MACROD2: variants seen among roughly 807,000 people sequenced by gnomAD.
The protein encoded by MACROD2 is mono-ADP ribosylhydrolase 2, also known as ADP-ribose glycohydrolase MACROD2.
A neutral mutation model predicts 70.4 loss-of-function variants in MACROD2; 36 were observed. The observed-to-expected ratio is 0.51, with a 90% CI of 0.39 to 0.68. The LOEUF (loss-of-function observed/expected upper bound fraction) is 0.68, where lower values mean the gene tolerates loss of function less well. Among genes scored for constraint, MACROD2 ranks in the 30% least tolerant of loss-of-function variants. MACROD2 has a pLI of 0.00. For synonymous variants in MACROD2, 172 were observed against 178.8 expected, an observed-to-expected ratio of 0.96 and a Z score of 0.30; for missense variants, 496 against 538.4, an observed-to-expected ratio of 0.92 and a Z score of 0.78.
Position 15,684,284 on chromosome 20 carries a change from C to A in MACROD2, c.646-178461C>A, listed in dbSNP as rs551212347. Among the ~76,000 whole-genome samples, 3 of 152,236 alleles carry A rather than the reference C, an allele frequency of 2.0e-5. No homozygotes were observed. In the East Asian group the frequency reaches 5.8e-4, roughly 29 times the overall value. ...AGAAGGTTGAATGGCAGGGATCAGC[C>A]GGGTCTAGAGAAAATCTCAGACCCC... On this transcript the variant is annotated intron_variant, in intron 8 of 17. Coordinates refer to ENST00000684519, the MANE Select transcript of MACROD2 (RefSeq NM_001351661.2).
In MACROD2 at chr20:15,147,581, A is replaced by G. The variant is rs139180806; in HGVS notation, c.419-82359A>G. On this transcript the variant is annotated intron_variant, in intron 5 of 17. Coordinates refer to ENST00000684519, the MANE Select transcript of MACROD2 (RefSeq NM_001351661.2). ...TCCCTTTTTGTGCCTTAAAATTATT[A>G]TGCTATTTTTTAATAGTAAAGAGGC... is the stretch of plus-strand genomic sequence containing the variant. Among the ~76,000 whole-genome samples the G allele has an allele frequency of 9.4e-3, 1,432 of 151,986 alleles. 23 individuals are homozygous for G. Among genetic ancestry groups the G allele is most frequent in the Middle Eastern group, 0.02 (6 of 294 alleles).
At chr20:14,702,807 A>G (rs1162586753) in intron 5 of MACROD2, among the ~76,000 whole-genome samples, 1 of 150,562 alleles carries the variant, frequency 6.6e-6, no homozygotes, top group Non-Finnish European at 1.5e-5. Flanking sequence ...GGCTCACTGC[A>G]ACCTCTGCCT....
intron 8 of MACROD2, among the ~76,000 whole-genome samples, chr20:15,856,139 CA>C (rs1472438343): frequency 2.6e-5 from 4 of 152,124 alleles, no homozygotes; most frequent in Non-Finnish European, 5.9e-5. Flanking sequence ...TTTTTATTCT[CA>C]AAAGCAGTCT....
intron 11 of MACROD2, among the ~76,000 whole-genome samples, chr20:15,935,267 A>G (rs1341455450): frequency 6.6e-6 from 1 of 152,088 alleles, no homozygotes; most frequent in Non-Finnish European, 1.5e-5. Flanking sequence ...GCACTTCTCA[A>G]TGTGAAGAAG....
intron 8 of MACROD2, among the ~76,000 whole-genome samples, chr20:15,759,361 A>T (rs1459881732): frequency 6.6e-6 from 1 of 152,184 alleles, no homozygotes; most frequent in Non-Finnish European, 1.5e-5. Flanking sequence ...AATAATTACT[A>T]TTTAATTACA....
At chr20:14,928,245 A>ATCG (rs33932176) in intron 5 of MACROD2, among the ~76,000 whole-genome samples, 20 of 25,304 alleles carry the variant, frequency 7.9e-4, no homozygotes, top group Non-Finnish European at 1.2e-3. Flanking sequence ...GTGTAGAATT[A>ATCG]TTCTATCCTC....
At chr20:14,243,514 T>C (rs1321473911) in intron 3 of MACROD2, among the ~76,000 whole-genome samples, 1 of 152,214 alleles carries the variant, frequency 6.6e-6, no homozygotes, top group African/African-American at 2.4e-5. Flanking sequence ...TTCTCTTCTT[T>C]ATATCAGATT....
chr20:15,475,937 G>T (rs1048794261), intron 7 of MACROD2, among the ~76,000 whole-genome samples: 1 of 152,166 alleles, frequency 6.6e-6, no homozygotes, highest in African/African-American at 2.4e-5. Flanking sequence ...AATGTTCTTC[G>T]TTGCGTTCTA....
intron 5 of MACROD2, among the ~76,000 whole-genome samples, chr20:15,142,595 T>C (rs1448977739): frequency 6.6e-6 from 1 of 152,096 alleles, no homozygotes; most frequent in Non-Finnish European, 1.5e-5. Flanking sequence ...ATGTGCCATG[T>C]TGGTGTGCTG....
At chr20:15,898,549 T>TGA (rs375437469) in intron 10 of MACROD2, among the ~76,000 whole-genome samples, 1 of 94,530 alleles carries the variant, frequency 1.1e-5, no homozygotes, top group African/African-American at 4.3e-5. Flanking sequence ...AGACTCAGTC[T>TGA]AAAAAAAAAA....
chr20:14,442,030 G>C (rs2084129611), intron 3 of MACROD2, among the ~76,000 whole-genome samples: 1 of 152,084 alleles, frequency 6.6e-6, no homozygotes, highest in African/African-American at 2.4e-5. Flanking sequence ...AGCACTTTGG[G>C]AGGCTGGAGC....
chr20:15,412,192 G>A (rs374772843), intron 6 of MACROD2, among the ~76,000 whole-genome samples: 4 of 152,258 alleles, frequency 2.6e-5, no homozygotes, highest in African/African-American at 4.8e-5. Context: ...GCTGCCAGTT[G>A]GAGCCTCATA....
chr20:14,170,775 A>G (rs969937458), intron 3 of MACROD2, among the ~76,000 whole-genome samples: 2 of 152,062 alleles, frequency 1.3e-5, no homozygotes, highest in South Asian at 4.1e-4. Context: ...TTTTGCATCT[A>G]TGTTCATTAG....
chr20:15,221,899 G>A (rs1045537160), intron 5 of MACROD2, among the ~76,000 whole-genome samples: 4 of 152,168 alleles, frequency 2.6e-5, no homozygotes, highest in African/African-American at 7.2e-5. Flanking sequence ...CTTTGGCAGT[G>A]CATTCTGTAT....
rs1315316349 is a variant in MACROD2 at position 15,885,618 on chromosome 20, A to T, written c.728-146A>T. On this transcript the variant is annotated intron_variant, in intron 9 of 17. Coordinates refer to ENST00000684519, the MANE Select transcript of MACROD2 (RefSeq NM_001351661.2). ...TTCTTAACTTAGCATGATAATAATA[A>T]GACAACAGAAATGCATGTTTTAACA... 6.0e-6 allele frequency: 4 copies of T among 667,642 alleles called. No individual in the cohort carries two copies. The East Asian group carries it at 1.6e-4, about 27-fold the overall frequency. 41.4% of individuals were successfully genotyped at this position (667,642 alleles called of 1,614,324 possible).
rs533914548 is a variant in MACROD2 at position 16,009,555 on chromosome 20, G to A, written c.1153+22397G>A. Among the ~76,000 whole-genome samples the A allele has an allele frequency of 5.9e-4, 90 of 152,206 alleles. 1 individual carries two copies. The highest frequency in any genetic ancestry group is 2.0e-3 in the African/African-American group (85 of 41,532). Reference sequence around the variant, plus strand: ...GCAGATCACCTGAGGTCAGGAGTTCGAGACCAACATGGCCAACATGTTGAA... The same window carrying A: ...GCAGATCACCTGAGGTCAGGAGTTCAAGACCAACATGGCCAACATGTTGAA... On this transcript the variant is annotated intron_variant, in intron 15 of 17. Transcript: ENST00000684519.
intron 4 of MACROD2, among the ~76,000 whole-genome samples, chr20:14,623,818 T>G (rs1932940): frequency 0.48 from 73,458 of 152,042 alleles, 20,115 homozygotes; most frequent in African/African-American, 0.75. Flanking sequence ...ACAAAAAACA[T>G]ATAAATTCTA....
intron 5 of MACROD2, among the ~76,000 whole-genome samples, chr20:14,969,049 A>G (rs2074665465): frequency 1.3e-5 from 2 of 152,088 alleles, no homozygotes. Context: ...GAGTGCAAGT[A>G]TGTCAAAAGA....
chr20:14,048,719 G>C (rs1482861896), intron 2 of MACROD2, among the ~76,000 whole-genome samples: 9 of 151,606 alleles, frequency 5.9e-5, no homozygotes, highest in Non-Finnish European at 1.3e-4. Flanking sequence ...AGAATTTTCT[G>C]GACCAAAAAA....
Sources: gnomAD v4.1 joint callset for allele counts (sites outside exome capture counted in the v4.1 genomes callset) on GRCh38, gnomAD v4.1.1 for gene constraint, MANE v1.5 for transcripts, NCBI Gene and HGNC (gene_info 2026-07-23, HGNC 2026-07-21) for gene names.